Variants in CDKL4 observed in about 807,000 individuals in gnomAD.
CDKL4 encodes cyclin dependent kinase like 4.
A neutral mutation model predicts 42.0 loss-of-function variants in CDKL4; 44 were observed. The ratio of observed to expected loss-of-function variants is 1.05; its 90% CI spans 0.82 to 1.35. The LOEUF (loss-of-function observed/expected upper bound fraction) is 1.35. Ranked by LOEUF, CDKL4 falls within the 40% of genes most tolerant of loss-of-function variation. The pLI is 0.00. For synonymous variants in CDKL4, 120 were observed against 121.6 expected, an observed-to-expected ratio of 0.99 and a Z score of 0.09; for missense variants, 393 against 369.9, an observed-to-expected ratio of 1.06 and a Z score of -0.51.
intron 9 of CDKL4, among the ~76,000 whole-genome samples, chr2:39,178,187 A>G (rs1031186494): frequency 6.6e-5 from 10 of 152,180 alleles, no homozygotes; most frequent in Non-Finnish European, 1.5e-4. Context: ...GATACACAGA[A>G]ATGATTTAAC....
At chr2:39,175,134 C>A (rs1488226598), downstream of CDKL4, among the ~76,000 whole-genome samples, 1 of 152,110 alleles carries the variant, frequency 6.6e-6, no homozygotes, top group Non-Finnish European at 1.5e-5. Context: ...GATGCCCTCA[C>A]TAGTTTTGGG....
chr2:39,170,081 C>T, the CDKL4 span, among the ~76,000 whole-genome samples: 2,648 of 152,056 alleles, frequency 0.017, 75 homozygotes, highest in African/African-American at 0.054. Context: ...CCAGGCTAGT[C>T]TCAAACTCCT....
intron 4 of CDKL4, among the ~76,000 whole-genome samples, chr2:39,212,537 A>G (rs942717639): frequency 1.3e-5 from 2 of 151,884 alleles, no homozygotes; most frequent in African/African-American, 4.8e-5. Context: ...CCGGCCGGAA[A>G]CGGTTTTTAA....
intron 1 of CDKL4, among the ~76,000 whole-genome samples, chr2:39,229,822 G>A (rs1051351455): frequency 9.2e-5 from 14 of 152,160 alleles, no homozygotes; most frequent in Non-Finnish European, 2.1e-4. Context: ...GACCTCAGTT[G>A]AACTAAAAGA....
chr2:39,215,201 G>T (rs1677841244), intron 3 of CDKL4, among the ~76,000 whole-genome samples: 1 of 152,172 alleles, frequency 6.6e-6, no homozygotes, highest in Non-Finnish European at 1.5e-5. Context: ...AAAATAAAAA[G>T]ATGTCTCACT....
intron 3 of CDKL4, among the ~76,000 whole-genome samples, chr2:39,220,987 T>C (rs1558575827): frequency 2.2e-5 from 1 of 44,482 alleles, no homozygotes; most frequent in African/African-American, 4.1e-5. Context: ...TTTTTTTTTT[T>C]TTTTTTTTTT....
At chr2:39,174,722 C>T (rs1675099201), downstream of CDKL4, among the ~76,000 whole-genome samples, 2 of 152,178 alleles carry the variant, frequency 1.3e-5, no homozygotes, top group Non-Finnish European at 2.9e-5. Context: ...AGGAATATCA[C>T]TGATTGCGCC....
intron 3 of CDKL4, among the ~76,000 whole-genome samples, chr2:39,219,809 C>T (rs1035696445): frequency 6.6e-6 from 1 of 152,038 alleles, no homozygotes; most frequent in Non-Finnish European, 1.5e-5. Context: ...TGTGATAGAA[C>T]AATATGGGGA....
chr2:39,205,151 G>C (rs1677085675), intron 4 of CDKL4, among the ~76,000 whole-genome samples: 1 of 152,036 alleles, frequency 6.6e-6, no homozygotes, highest in Admixed American at 6.6e-5. Flanking sequence ...CACAGAGCCT[G>C]AGCAACTGAG....
At chr2:39,234,914 G>C (rs1433979397) in intron 1 of CDKL4, among the ~76,000 whole-genome samples, 1 of 151,202 alleles carries the variant, frequency 6.6e-6, no homozygotes, top group South Asian at 2.1e-4. Context: ...TTTGAGACAG[G>C]TTCTTGCTCT....
intron 5 of CDKL4, among the ~76,000 whole-genome samples, chr2:39,204,291 T>A (rs1245058789): frequency 6.6e-6 from 1 of 152,242 alleles, no homozygotes; most frequent in African/African-American, 2.4e-5. Flanking sequence ...CTTTTAGAAA[T>A]CTTTTCCTTT....
At chr2:39,205,910 G>T (rs573690445) in intron 4 of CDKL4, among the ~76,000 whole-genome samples, 1 of 152,114 alleles carries the variant, frequency 6.6e-6, no homozygotes, top group Non-Finnish European at 1.5e-5. Context: ...TCCGCGCCAG[G>T]GGATGGGGAT....
chr2:39,172,327 A>AAAAAAG (rs748794273), downstream of CDKL4, among the ~76,000 whole-genome samples: 1 of 151,974 alleles, frequency 6.6e-6, no homozygotes, highest in South Asian at 2.1e-4. Context: ...TCCGAAAAAA[A>AAAAAAG]AAAAAGAAAA....
chr2:39,232,821 G>A (rs972157670), intron 1 of CDKL4, among the ~76,000 whole-genome samples: 3 of 151,852 alleles, frequency 2.0e-5, no homozygotes, highest in African/African-American at 7.3e-5. Flanking sequence ...TGAGGCGGGC[G>A]GATCACGAGG....
chr2:39,245,227 G>T (rs191570479), upstream of CDKL4, among the ~76,000 whole-genome samples: 1 of 152,124 alleles, frequency 6.6e-6, no homozygotes, highest in East Asian at 1.9e-4. Flanking sequence ...CACTCACCGC[G>T]AAGATCTGCA....
At chr2:39,224,968 C>T (rs1678607366) in intron 3 of CDKL4, among the ~76,000 whole-genome samples, 1 of 152,134 alleles carries the variant, frequency 6.6e-6, no homozygotes, top group Non-Finnish European at 1.5e-5. Flanking sequence ...AATTTTATTT[C>T]ATTTCCAAAA....
Position 39,227,323 on chromosome 2 carries a change from A to C in CDKL4, c.169-1363T>G, listed in dbSNP as rs151197383. On this transcript the variant is annotated intron_variant, in intron 2 of 9. Coordinates refer to ENST00000451199, the Ensembl canonical transcript of CDKL4. ...ATATAGTAGAAGCTCAACAAATAAC[A>C]GGCCCAGTAGAAAATTTTAGGTACA... Among the ~76,000 whole-genome samples the C allele has an allele frequency of 2.1e-3, 315 of 152,306 alleles. 3 individuals carry two copies. The highest frequency in any genetic ancestry group is 6.9e-3 in the African/African-American group (287 of 41,566).
intron 5 of CDKL4, among the ~76,000 whole-genome samples, chr2:39,204,076 C>T (rs1202147710): frequency 6.6e-6 from 1 of 152,178 alleles, no homozygotes; most frequent in Non-Finnish European, 1.5e-5. Context: ...TCTTAGCACT[C>T]TCTCTGAATC....
chr2:39,227,791 G>A (rs1485361522), intron 2 of CDKL4, among the ~76,000 whole-genome samples: 1 of 152,182 alleles, frequency 6.6e-6, no homozygotes. Context: ...GGTTAAACCT[G>A]GTCCAATCTC....
Sources: allele counts gnomAD v4.1 joint callset (sites outside exome capture counted in the v4.1 genomes callset), GRCh38; gene constraint gnomAD v4.1.1; transcripts MANE v1.5; gene names NCBI Gene and HGNC (gene_info 2026-07-23, HGNC 2026-07-21).